Variants in DNAAF11 observed in about 807,000 individuals in gnomAD.
The protein encoded by DNAAF11 is dynein axonemal assembly factor 11, also known as leucine rich repeat containing 6.
Under a neutral mutation model 60.8 loss-of-function variants are expected in DNAAF11, and 45 were observed. The ratio of observed to expected loss-of-function variants is 0.74; its 90% CI spans 0.58 to 0.95. The LOEUF is 0.95. Ranked by LOEUF, DNAAF11 falls within the 40% of genes least tolerant of loss-of-function variation. The pLI is 0.00. For missense variants in DNAAF11, 546 were observed against 546.2 expected, an observed-to-expected ratio of 1.00 and a Z score of 0.00; for synonymous variants, 191 against 183.5, an observed-to-expected ratio of 1.04 and a Z score of -0.33.
chr8:132,657,550 TACC>T (rs1377949417), intron 2 of DNAAF11, among the ~76,000 whole-genome samples: 1 of 152,200 alleles, frequency 6.6e-6, no homozygotes, highest in Non-Finnish European at 1.5e-5. Context: ...CTTACTGTTC[TACC>T]ACATTTAGTT....
At chr8:132,588,221 T>A (rs1816104131) in intron 10 of DNAAF11, among the ~76,000 whole-genome samples, 1 of 152,200 alleles carries the variant, frequency 6.6e-6, no homozygotes, top group Non-Finnish European at 1.5e-5. Flanking sequence ...CCATTTCAGA[T>A]GAAAACATGC....
chr8:132,697,109 C>A, the DNAAF11 span, among the ~76,000 whole-genome samples: 1 of 152,096 alleles, frequency 6.6e-6, no homozygotes, highest in South Asian at 2.1e-4. Flanking sequence ...CATGAAATGT[C>A]CAGAATAGGC....
At chr8:132,669,822 T>G (rs772436294) in intron 1 of DNAAF11, among the ~76,000 whole-genome samples, 21 of 150,540 alleles carry the variant, frequency 1.4e-4, no homozygotes, top group Admixed American at 3.3e-4. Flanking sequence ...TTGAACAGAG[T>G]TAAAAATTAC....
chr8:132,581,986 C>G (rs1234222336), intron 11 of DNAAF11, among the ~76,000 whole-genome samples: 2 of 152,172 alleles, frequency 1.3e-5, no homozygotes, highest in African/African-American at 2.4e-5. Context: ...TGCTCCTCCC[C>G]CTCCATTCAC....
chr8:132,690,171 C>T, the DNAAF11 span, among the ~76,000 whole-genome samples: 1 of 152,150 alleles, frequency 6.6e-6, no homozygotes, highest in African/African-American at 2.4e-5. Flanking sequence ...CCTGTTTCCT[C>T]TGTTATTAAA....
chr8:132,602,211 G>A (rs528359713), intron 10 of DNAAF11, among the ~76,000 whole-genome samples: 1 of 152,002 alleles, frequency 6.6e-6, no homozygotes, highest in East Asian at 1.9e-4. Context: ...AACCACTTTT[G>A]TATTTTCTGT....
intron 1 of DNAAF11, among the ~76,000 whole-genome samples, chr8:132,674,112 CAGGAGGAGGAGGAGGAGGAGGAGA>C (rs1825476520): frequency 2.1e-5 from 1 of 46,670 alleles, no homozygotes; most frequent in African/African-American, 1.1e-4. Flanking sequence ...GGAGGAGGAG[CAGGAGGAGGAGGAGGAGGAGGAGA>C]AGGAGGAGGA....
chr8:132,583,668 C>T, intron 11 of DNAAF11, 26 bp downstream of exon 11: 5 of 1,574,458 alleles, frequency 3.2e-6, no homozygotes, highest in Non-Finnish European at 4.4e-6. Flanking sequence ...TATAATACAG[C>T]TAAGGACAGT....
chr8:132,672,263 TAAG>T (rs1190379387), intron 1 of DNAAF11, among the ~76,000 whole-genome samples: 2 of 152,292 alleles, frequency 1.3e-5, no homozygotes, highest in Admixed American at 6.5e-5. Flanking sequence ...GTATAAAATT[TAAG>T]AATAAAGACA....
At chr8:132,676,781 T>C (rs1366890478), upstream of DNAAF11, among the ~76,000 whole-genome samples, 2 of 151,856 alleles carry the variant, frequency 1.3e-5, no homozygotes, top group Middle Eastern at 3.2e-3. Context: ...AATGAGAGAT[T>C]AGATCGGGGG....
chr8:132,615,054 C>T lies in DNAAF11; in HGVS notation c.958G>A (p.Asp320Asn). Residue 320 changes from aspartate to asparagine, a missense_variant, in exon 8 of 12, where the codon GAC (aspartate) becomes AAC (asparagine). Physicochemically the swap from Asp to Asn is conservative, Grantham distance 23. Coordinates refer to ENST00000620350, the MANE Select transcript of DNAAF11 (RefSeq NM_012472.6). ...TGTCTTTACCTATAGACAGCAAGGTCCAGGATGATCTGCTTTTCGTTATCT... is the reference window on the plus strand; with the variant it reads ...TGTCTTTACCTATAGACAGCAAGGTTCAGGATGATCTGCTTTTCGTTATCT... ...LKDNEKQIIL[D>N]LAVYRYMDTS... 1.2e-6 allele frequency: 2 copies of T among 1,605,138 alleles called. No individual in the cohort carries two copies. The highest frequency in any genetic ancestry group is 1.7e-6 in the Non-Finnish European group (2 of 1,172,686).
At chr8:132,603,782 C>T (rs997211399) in intron 10 of DNAAF11, among the ~76,000 whole-genome samples, 2 of 151,922 alleles carry the variant, frequency 1.3e-5, no homozygotes, top group Non-Finnish European at 2.9e-5. Context: ...GGAGACCTTT[C>T]AGAATGTTTT....
intron 1 of DNAAF11, among the ~76,000 whole-genome samples, chr8:132,668,539 C>G (rs549397569): frequency 5.9e-5 from 9 of 152,118 alleles, no homozygotes; most frequent in Admixed American, 4.6e-4. Context: ...CCCGGGTTCA[C>G]GCCATTCTCC....
intron 10 of DNAAF11, among the ~76,000 whole-genome samples, chr8:132,593,690 T>C (rs887310358): frequency 6.6e-6 from 1 of 151,880 alleles, no homozygotes; most frequent in Non-Finnish European, 1.5e-5. Flanking sequence ...TAGCATAGGG[T>C]AGTATTGGCA....
At chr8:132,602,717 T>C (rs1817754059) in intron 10 of DNAAF11, among the ~76,000 whole-genome samples, 1 of 151,112 alleles carries the variant, frequency 6.6e-6, no homozygotes, top group Admixed American at 6.6e-5. Flanking sequence ...ATCTAGTTTA[T>C]CTTTGCATAC....
upstream of DNAAF11, among the ~76,000 whole-genome samples, chr8:132,679,335 G>C (rs891706273): frequency 6.6e-6 from 1 of 152,212 alleles, no homozygotes; most frequent in Admixed American, 6.5e-5. Context: ...GGAGGAGTCA[G>C]TGAGCCAATT....
chr8:132,645,485 T>C (rs1822286755), intron 3 of DNAAF11, among the ~76,000 whole-genome samples: 1 of 152,148 alleles, frequency 6.6e-6, no homozygotes. Context: ...GGACGGAGAA[T>C]GACTTTAGGC....
intron 3 of DNAAF11, among the ~76,000 whole-genome samples, chr8:132,648,797 T>C (rs1384273659): frequency 1.3e-5 from 2 of 152,084 alleles, no homozygotes; most frequent in African/African-American, 4.8e-5. Context: ...GGAATCCAAC[T>C]TACAAGGGAT....
chr8:132,651,686 G>C (rs1179197499), intron 3 of DNAAF11, among the ~76,000 whole-genome samples: 1 of 152,174 alleles, frequency 6.6e-6, no homozygotes, highest in Non-Finnish European at 1.5e-5. Context: ...CTCATACGGT[G>C]TAAGAATACT....
Sources: gnomAD v4.1 joint callset for allele counts (sites outside exome capture counted in the v4.1 genomes callset) on GRCh38, gnomAD v4.1.1 for gene constraint, MANE v1.5 for transcripts, NCBI Gene and HGNC (gene_info 2026-07-23, HGNC 2026-07-21) for gene names.